The following SYN3 variants were observed in gnomAD, a reference collection of about 807,000 sequenced individuals.
SYN3 encodes synapsin-3.
In SYN3, 35 loss-of-function variants were observed where a neutral mutation model predicts 65.8. The ratio of observed to expected loss-of-function variants is 0.53; its 90% confidence interval spans 0.41 to 0.70. The LOEUF (loss-of-function observed/expected upper bound fraction) is 0.70, where lower values mean the gene tolerates loss of function less well. SYN3 is among the 30% of genes least tolerant of loss of function. The pLI is 0.00. For missense variants in SYN3, 680 were observed against 749.0 expected (o/e 0.91, Z 1.08); for synonymous variants, 270 against 292.9 (o/e 0.92, Z 0.80).
chr22:33,038,172 T>C (rs1370527807), intron 1 of SYN3, among the ~76,000 whole-genome samples: 1 of 152,136 alleles, frequency 6.6e-6, no homozygotes, highest in Non-Finnish European at 1.5e-5. Context: ...GTGGCTGGGA[T>C]TTTGCCAAAC....
At chr22:32,790,439 T>TTTATTTATTTA (rs1332981978) in intron 6 of SYN3, among the ~76,000 whole-genome samples, 1 of 147,738 alleles carries the variant, frequency 6.8e-6, no homozygotes, top group African/African-American at 2.5e-5. Flanking sequence ...TATTTATTTA[T>TTTATTTATTTA]TATTGAGACG....
rs1433707858 is a variant in SYN3, at chr22:32,509,812, C to T, written c.*3880G>A. On this transcript the variant is annotated 3_prime_UTR_variant, in exon 14 of 14. Transcript: ENST00000358763. ...CTCGATCTCCTGACCTAGTCATCCGCCCACCTCGGCCTCCCAAAGTGCTGG... is the reference window on the plus strand; with the variant it reads ...CTCGATCTCCTGACCTAGTCATCCGTCCACCTCGGCCTCCCAAAGTGCTGG... Among the ~76,000 whole-genome samples the T allele has an allele frequency of 6.6e-6, 1 of 152,120 alleles. No individual in the cohort carries two copies. The highest frequency in any genetic ancestry group is 1.5e-5 in the Non-Finnish European group (1 of 68,036).
chr22:32,792,612 G>A (rs1422830240), intron 6 of SYN3, among the ~76,000 whole-genome samples: 1 of 152,112 alleles, frequency 6.6e-6, no homozygotes, highest in South Asian at 2.1e-4. Context: ...GAGTAAGGAA[G>A]GGCACACCCG....
intron 6 of SYN3, among the ~76,000 whole-genome samples, chr22:32,635,524 G>A (rs1236269209): frequency 6.6e-6 from 1 of 152,212 alleles, no homozygotes; most frequent in Admixed American, 6.5e-5. Context: ...CCAGATATTT[G>A]AAATAGGGAC....
intron 6 of SYN3, among the ~76,000 whole-genome samples, chr22:32,811,430 G>A (rs1195491758): frequency 3.3e-5 from 5 of 152,164 alleles, no homozygotes; most frequent in Admixed American, 2.6e-4. Flanking sequence ...TTCACTTTCG[G>A]TGAGGAAAAT....
chr22:32,644,987 T>TG (rs2059963126), intron 6 of SYN3, among the ~76,000 whole-genome samples: 1 of 151,932 alleles, frequency 6.6e-6, no homozygotes, highest in Non-Finnish European at 1.5e-5. Flanking sequence ...AGGAAGTGGT[T>TG]GGGGAAAGGG....
intron 4 of SYN3, among the ~76,000 whole-genome samples, chr22:32,918,316 G>A (rs1046920209): frequency 6.6e-6 from 1 of 152,202 alleles, no homozygotes; most frequent in Non-Finnish European, 1.5e-5. Flanking sequence ...ATCAGTTATA[G>A]TACAGGAAGA....
At chr22:32,827,374 C>T (rs951237173) in intron 6 of SYN3, among the ~76,000 whole-genome samples, 1 of 152,248 alleles carries the variant, frequency 6.6e-6, no homozygotes, top group Non-Finnish European at 1.5e-5. Context: ...GCCACCCTAC[C>T]CCGTTTCCTT....
chr22:32,643,566 C>A (rs1366644780), intron 6 of SYN3, among the ~76,000 whole-genome samples: 1,205 of 61,924 alleles, frequency 0.019, 67 homozygotes, highest in African/African-American at 0.028. Context: ...GCGGGGGGGG[C>A]AGAACAGACC....
chr22:33,028,854 G>C (rs1361819170), intron 1 of SYN3, among the ~76,000 whole-genome samples: 9 of 152,048 alleles, frequency 5.9e-5, no homozygotes, highest in Admixed American at 1.3e-4. Flanking sequence ...TCCTGGCTAA[G>C]ACAGTGAAAC....
At chr22:32,931,118 T>G in intron 4 of SYN3, 2 of 345,542 alleles carry the variant, frequency 5.8e-6, no homozygotes, top group Non-Finnish European at 1.1e-5. Flanking sequence ...AGGGACTAAA[T>G]AATATGCCAG....
intron 6 of SYN3, among the ~76,000 whole-genome samples, chr22:32,655,991 C>T (rs904646358): frequency 6.6e-6 from 1 of 152,108 alleles, no homozygotes; most frequent in African/African-American, 2.4e-5. Flanking sequence ...TCCCTAAGCC[C>T]AGTTACCCAC....
In SYN3 at chr22:32,971,643, G is replaced by A. The variant is rs137886395; in HGVS notation, c.369+9002C>T. 2.9e-3 allele frequency among the ~76,000 whole-genome samples: 442 copies of A among 152,286 alleles called. 4 individuals are homozygous for A. The highest frequency in any genetic ancestry group is 0.01 in the Middle Eastern group (3 of 294). On this transcript the variant is annotated intron_variant, in intron 3 of 13. Coordinates refer to ENST00000358763, the MANE Select transcript of SYN3 (RefSeq NM_003490.4). ...ATGGACTCCAGAACTCACGGGTCAC[G>A]TACAGTCCTAGAAATCGAGACCAGA...
chr22:32,887,759 AG>A (rs1246660121), intron 4 of SYN3, among the ~76,000 whole-genome samples: 1 of 152,242 alleles, frequency 6.6e-6, no homozygotes, highest in Non-Finnish European at 1.5e-5. Flanking sequence ...ACGAGTTGAC[AG>A]GCATTTGGGT....
At chr22:32,678,855 T>A (rs926631730) in intron 6 of SYN3, among the ~76,000 whole-genome samples, 4 of 152,150 alleles carry the variant, frequency 2.6e-5, no homozygotes, top group Non-Finnish European at 2.9e-5. Context: ...CTCTATTTCT[T>A]TGACTATTTT....
intron 7 of SYN3, among the ~76,000 whole-genome samples, chr22:32,560,969 G>C (rs1389559686): frequency 6.6e-6 from 1 of 152,194 alleles, no homozygotes; most frequent in Non-Finnish European, 1.5e-5. Context: ...AAATGCAGGA[G>C]TGGAGGATGA....
intron 3 of SYN3, among the ~76,000 whole-genome samples, chr22:32,977,283 G>A (rs1213974129): frequency 6.6e-6 from 1 of 152,112 alleles, no homozygotes; most frequent in Non-Finnish European, 1.5e-5. Flanking sequence ...TTCCCTGATG[G>A]TCCTGCTCAT....
intron 1 of SYN3, among the ~76,000 whole-genome samples, chr22:33,019,597 T>A (rs537549590): frequency 7.9e-5 from 12 of 152,310 alleles, no homozygotes; most frequent in Non-Finnish European, 1.5e-4. Context: ...AGGCACTACA[T>A]GTACTAGCTC....
At chr22:32,670,029 CA>C (rs2060339697) in intron 6 of SYN3, among the ~76,000 whole-genome samples, 1 of 152,208 alleles carries the variant, frequency 6.6e-6, no homozygotes, top group African/African-American at 2.4e-5. Flanking sequence ...ATACTAGCCC[CA>C]GACTGCTTAC....
Sources: gnomAD v4.1 joint callset for allele counts (sites outside exome capture counted in the v4.1 genomes callset) on GRCh38, gnomAD v4.1.1 for gene constraint, MANE v1.5 for transcripts, NCBI Gene and HGNC (gene_info 2026-07-23, HGNC 2026-07-21) for gene names.